DIAPH2: variants seen among roughly 807,000 people sequenced by gnomAD.
DIAPH2 encodes the protein protein diaphanous homolog 2.
In DIAPH2, 35 loss-of-function variants were observed where a neutral mutation model predicts 92.7. The observed-to-expected ratio is 0.38, with a 90% CI of 0.29 to 0.50. The LOEUF (loss-of-function observed/expected upper bound fraction) is 0.50. Among genes scored for constraint, DIAPH2 ranks in the 20% least tolerant of loss-of-function variants. DIAPH2 has a pLI of 0.94. For missense variants in DIAPH2, 701 were observed against 819.5 expected (o/e 0.86, Z 1.77); for synonymous variants, 301 against 280.4 (o/e 1.07, Z -0.73).
intron 4 of DIAPH2, among the ~76,000 whole-genome samples, chrX:96,764,965 A>G (rs920372889): frequency 6.3e-5 from 7 of 110,853 alleles, no homozygotes; most frequent in Non-Finnish European, 1.3e-4. Flanking sequence ...AATTACCCAC[A>G]CTGTTACTTC....
At chrX:97,158,665 A>G (rs1007003719) in intron 22 of DIAPH2, among the ~76,000 whole-genome samples, 1 of 112,453 alleles carries the variant, frequency 8.9e-6, no homozygotes, top group Non-Finnish European at 1.9e-5. Context: ...AGGAAGAGCT[A>G]ATTAAACTGT....
chrX:97,168,974 T>C (rs2067432393), intron 22 of DIAPH2, among the ~76,000 whole-genome samples: 1 of 112,166 alleles, frequency 8.9e-6, no homozygotes, highest in Non-Finnish European at 1.9e-5. Context: ...AATCCACCCT[T>C]ATGATCTAAT....
intron 23 of DIAPH2, among the ~76,000 whole-genome samples, chrX:97,286,665 G>A (rs2068545759): frequency 1.8e-5 from 2 of 110,835 alleles, no homozygotes; most frequent in African/African-American, 3.3e-5. Flanking sequence ...ACTGAAATAC[G>A]GGCACCTCTC....
chrX:97,041,208 A>G (rs765211182), intron 17 of DIAPH2, among the ~76,000 whole-genome samples: 19 of 111,138 alleles, frequency 1.7e-4, no homozygotes, highest in Non-Finnish European at 2.3e-4. Flanking sequence ...GAAATTGCCA[A>G]CCTACGCACA....
chrX:97,344,351 A>C (rs756863399), intron 23 of DIAPH2, among the ~76,000 whole-genome samples: 1 of 112,462 alleles, frequency 8.9e-6, no homozygotes, highest in Admixed American at 9.4e-5. Context: ...TCGAGGCTGC[A>C]GTGAGCTATG....
chrX:96,803,232 C>T (rs1463642267), intron 4 of DIAPH2, among the ~76,000 whole-genome samples: 1 of 111,399 alleles, frequency 9.0e-6, no homozygotes, highest in Non-Finnish European at 1.9e-5. Context: ...AATTTACACC[C>T]CTACCAGTAG....
At chrX:97,260,127 G>A (rs780842760) in intron 23 of DIAPH2, among the ~76,000 whole-genome samples, 1 of 112,814 alleles carries the variant, frequency 8.9e-6, no homozygotes, top group South Asian at 3.6e-4. Context: ...ACCACACCCA[G>A]CCACATATTA....
intron 4 of DIAPH2, among the ~76,000 whole-genome samples, chrX:96,764,998 T>G (rs1253801837): frequency 9.0e-6 from 1 of 110,914 alleles, no homozygotes; most frequent in Non-Finnish European, 1.9e-5. Flanking sequence ...TGTCATCATT[T>G]AACACCCCTG....
chrX:97,393,050 A>G (rs1408293023), intron 25 of DIAPH2, among the ~76,000 whole-genome samples: 2 of 110,950 alleles, frequency 1.8e-5, no homozygotes, highest in African/African-American at 6.6e-5. Flanking sequence ...TAGGAGAGCT[A>G]AGGTCATTAT....
rs201374233 is a variant in DIAPH2, at chrX:97,154,353, CAT to C, written c.2719+12561_2719+12562del. ...ATAACATGGACAATAATATCAAAAACATAATTCAAAAGGATATAAAATATGAA... is the reference window on the plus strand; with the variant it reads ...ATAACATGGACAATAATATCAAAAACAATTCAAAAGGATATAAAATATGAA... On this transcript the variant is annotated intron_variant, in intron 22 of 26. Transcript: ENST00000324765. Among the ~76,000 whole-genome samples the C allele has an allele frequency of 2.2e-3, 244 of 111,259 alleles. 2 individuals carry two copies. The highest frequency in any genetic ancestry group is 7.7e-3 in the African/African-American group (237 of 30,648).
chrX:96,943,593 A>G (rs752808091), intron 13 of DIAPH2, among the ~76,000 whole-genome samples: 37 of 111,261 alleles, frequency 3.3e-4, no homozygotes, highest in Admixed American at 3.1e-3. Context: ...CACATACACT[A>G]TTGTTGATTT....
At chrX:97,394,541 C>T (rs1357573693) in intron 25 of DIAPH2, among the ~76,000 whole-genome samples, 1 of 111,039 alleles carries the variant, frequency 9.0e-6, no homozygotes, top group South Asian at 3.8e-4. Flanking sequence ...GTTTTGTTTC[C>T]CCAGATAAAA....
intron 20 of DIAPH2, among the ~76,000 whole-genome samples, chrX:97,111,514 G>T (rs771561233): frequency 8.9e-6 from 1 of 111,997 alleles, no homozygotes; most frequent in Admixed American, 9.5e-5. Context: ...ATTATTGCCG[G>T]CAGACTTCAA....
rs769229623 is a variant in DIAPH2, at chrX:97,256,279, T to C, written c.2844+8440T>C. ...AACATGTAGCATGTGCACATGTCTATTCGTAGATGTAAAGCCATTTTGGTA... is the reference window on the plus strand; with the variant it reads ...AACATGTAGCATGTGCACATGTCTACTCGTAGATGTAAAGCCATTTTGGTA... On this transcript the variant is annotated intron_variant, in intron 23 of 26. Coordinates refer to ENST00000324765, the MANE Select transcript of DIAPH2 (RefSeq NM_006729.5). Among the ~76,000 whole-genome samples the C allele has an allele frequency of 2.6e-3, 297 of 112,669 alleles. 1 individual carries two copies. Among genetic ancestry groups the C allele is most frequent in the Non-Finnish European group, 4.8e-3 (257 of 53,324 alleles).
chrX:97,139,454 T>C (rs759716779), intron 21 of DIAPH2, among the ~76,000 whole-genome samples: 1 of 107,509 alleles, frequency 9.3e-6, no homozygotes, highest in Non-Finnish European at 1.9e-5. Flanking sequence ...GTTTTTTTTT[T>C]TAAAAAAAAA....
At chrX:97,026,844 G>A (rs2066338604) in intron 17 of DIAPH2, among the ~76,000 whole-genome samples, 1 of 112,366 alleles carries the variant, frequency 8.9e-6, no homozygotes, top group Non-Finnish European at 1.9e-5. Context: ...CATGTCTTGT[G>A]TGAGGAGTTG....
At chrX:97,196,743 G>A (rs757026937) in intron 22 of DIAPH2, among the ~76,000 whole-genome samples, 30 of 109,198 alleles carry the variant, frequency 2.7e-4, no homozygotes, top group Non-Finnish European at 4.2e-4. Context: ...TCTGATTTTC[G>A]TTTGGAAAAT....
chrX:97,507,141 C>CAAA (rs397896097), intron 26 of DIAPH2, among the ~76,000 whole-genome samples: 551 of 30,044 alleles, frequency 0.018, no homozygotes, highest in Non-Finnish European at 0.022. Context: ...ACAAAACCGA[C>CAAA]AAAAAAAAAA....
chrX:97,180,928 T>A (rs188583881), intron 22 of DIAPH2, among the ~76,000 whole-genome samples: 106 of 112,047 alleles, frequency 9.5e-4, no homozygotes, highest in African/African-American at 3.3e-3. Flanking sequence ...TAGTTTGAAG[T>A]CAGGTACCAT....
Sources: allele counts gnomAD v4.1 joint callset (sites outside exome capture counted in the v4.1 genomes callset), GRCh38; gene constraint gnomAD v4.1.1; transcripts MANE v1.5; gene names NCBI Gene and HGNC (gene_info 2026-07-23, HGNC 2026-07-21).